GAD2: variants seen among roughly 807,000 people sequenced by gnomAD.
GAD2 encodes the protein glutamate decarboxylase 2.
Under a neutral mutation model 80.1 loss-of-function variants are expected in GAD2, and 22 were observed. That is an observed-to-expected ratio of 0.27 (90% confidence interval 0.20 to 0.39). GAD2 has a LOEUF of 0.39. Ranked by LOEUF, GAD2 falls within the 10% of genes least tolerant of loss-of-function variation. The pLI is 1.00. For synonymous variants in GAD2, 274 were observed against 256.9 expected (o/e 1.07, Z -0.64); for missense variants, 624 against 738.4 (o/e 0.85, Z 1.80).
rs1465174879 is a variant in GAD2 at position 26,302,592 on chromosome 10, C to G, written c.*1631C>G. ...TCTGAATGGACCAGGTAGTTCAGTA[C>G]TCAGACTGCAGGTATACAAGGGAAG... On this transcript the variant is annotated 3_prime_UTR_variant, in exon 16 of 16. Coordinates refer to ENST00000376261, the MANE Select transcript of GAD2 (RefSeq NM_001134366.2). 1 of 152,172 alleles carries G rather than the reference C, an allele frequency of 6.6e-6. No individual in the cohort carries two copies. Among genetic ancestry groups the G allele is most frequent in the East Asian group, 1.9e-4 (1 of 5,188 alleles). The allele number at this position is 152,172 out of a possible 1,614,324, so 9.4% of individuals were successfully genotyped here.
At chr10:26,261,964 T>A (rs914960627) in intron 8 of GAD2, among the ~76,000 whole-genome samples, 1 of 152,206 alleles carries the variant, frequency 6.6e-6, no homozygotes, top group Non-Finnish European at 1.5e-5. Context: ...CAAATCCTAC[T>A]TGATGCAATG....
chr10:26,299,108 A>T (rs1428955179), intron 15 of GAD2, among the ~76,000 whole-genome samples: 2 of 152,192 alleles, frequency 1.3e-5, no homozygotes, highest in African/African-American at 2.4e-5. Context: ...AGAGAAGGAA[A>T]TTAGGTTCAG....
intron 8 of GAD2, among the ~76,000 whole-genome samples, chr10:26,257,672 A>G (rs2132296434): frequency 6.6e-6 from 1 of 152,320 alleles, no homozygotes; most frequent in Middle Eastern, 3.4e-3. Context: ...GTACATTTAT[A>G]TACATTTTAG....
intron 10 of GAD2, 71 bp downstream of exon 10, chr10:26,270,827 T>C: frequency 9.7e-7 from 1 of 1,025,992 alleles, no homozygotes; most frequent in East Asian, 2.4e-5. Context: ...ACAAAGGAAA[T>C]TTGTTTTCTC....
At chr10:26,288,465 C>T (rs1564672174) in intron 13 of GAD2, among the ~76,000 whole-genome samples, 2 of 152,154 alleles carry the variant, frequency 1.3e-5, no homozygotes, top group Non-Finnish European at 2.9e-5. Context: ...GGTATCTGGT[C>T]CCCACCACCT....
At chr10:26,276,862 G>A (rs188421705) in intron 11 of GAD2, among the ~76,000 whole-genome samples, 46 of 152,270 alleles carry the variant, frequency 3.0e-4, no homozygotes, top group East Asian at 2.1e-3. Context: ...AGGTGTTCAG[G>A]ATTTAATTCG....
chr10:26,277,030 G>T (rs569182786), intron 11 of GAD2, among the ~76,000 whole-genome samples: 1 of 152,228 alleles, frequency 6.6e-6, no homozygotes, highest in African/African-American at 2.4e-5. Context: ...GGAAGTAAAG[G>T]CTGGAGAGAC....
Position 26,224,608 on chromosome 10 carries a change from C to T in GAD2, c.681C>T (p.Ile227=). 1 of 1,613,912 alleles carries T rather than the reference C, an allele frequency of 6.2e-7. No homozygotes were observed. Among genetic ancestry groups the T allele is most frequent in the Non-Finnish European group, 8.5e-7 (1 of 1,179,814 alleles). Residue 227 remains isoleucine (I), a synonymous_variant, in exon 6 of 16, where the codon ATC becomes ATT. Transcript: ENST00000376261. ...TCACACTAAAGAAAATGAGAGAAATCATTGGCTGGCCAGGGGGCTCTGGCG... is the reference window on the plus strand; with the variant it reads ...TCACACTAAAGAAAATGAGAGAAATTATTGGCTGGCCAGGGGGCTCTGGCG... ...EYVTLKKMRE[I]IGWPGGSGDG... is the part of the protein sequence containing the mutation.
intron 8 of GAD2, among the ~76,000 whole-genome samples, chr10:26,261,786 T>C (rs1845011672): frequency 6.6e-6 from 1 of 152,128 alleles, no homozygotes; most frequent in Non-Finnish European, 1.5e-5. Context: ...TCTTCCTCCT[T>C]CTCCTCATCC....
At chr10:26,268,167 A>T (rs1845093380) in intron 8 of GAD2, among the ~76,000 whole-genome samples, 1 of 152,144 alleles carries the variant, frequency 6.6e-6, no homozygotes, top group Admixed American at 6.5e-5. Context: ...AGCTATTTTG[A>T]CTTAAAGAAT....
chr10:26,247,171 C>T (rs1447299283), intron 8 of GAD2, among the ~76,000 whole-genome samples: 1 of 152,166 alleles, frequency 6.6e-6, no homozygotes, highest in Non-Finnish European at 1.5e-5. Context: ...TGATTATATG[C>T]TTAACAAGGG....
chr10:26,247,918 AG>A (rs994972333), intron 8 of GAD2, among the ~76,000 whole-genome samples: 9 of 81,052 alleles, frequency 1.1e-4, no homozygotes, highest in African/African-American at 2.0e-4. Context: ...AAAAAGGAAA[AG>A]AAAAAAAAAA....
chr10:26,281,178 G>C (rs964775637), intron 12 of GAD2, 91 bp downstream of exon 12: 1 of 944,188 alleles, frequency 1.1e-6, no homozygotes, highest in African/African-American at 1.6e-5. Flanking sequence ...CAAGATCACC[G>C]GGTCTTCTCT....
chr10:26,257,855 G>A lies in GAD2; in HGVS notation c.921-11264G>A, dbSNP rs185046576. On this transcript the variant is annotated intron_variant, in intron 8 of 15. Coordinates refer to ENST00000376261, the MANE Select transcript of GAD2 (RefSeq NM_001134366.2). ...TAGCTGAATTGTAACCAGTGCCTGA[G>A]GGGTCGTTAGGGATGCTAATTAACT... Among the ~76,000 whole-genome samples, 396 of 152,292 alleles carry A rather than the reference G, an allele frequency of 2.6e-3. 2 individuals carry two copies. Among genetic ancestry groups the A allele is most frequent in the African/African-American group, 8.9e-3 (369 of 41,548 alleles).
intron 15 of GAD2, among the ~76,000 whole-genome samples, chr10:26,293,193 T>TTTTTTTTC (rs869296197): frequency 5.8e-5 from 8 of 137,314 alleles, no homozygotes; most frequent in East Asian, 2.2e-4. Flanking sequence ...TTTTTTTTTT[T>TTTTTTTTC]TTGAGATGGA....
rs754102539 is a variant in GAD2 at position 26,269,138 on chromosome 10, G to A, written c.940G>A (p.Asp314Asn). 1 of 1,596,998 alleles carries A rather than the reference G, an allele frequency of 6.3e-7. No homozygotes were observed. The highest frequency in any genetic ancestry group is 8.5e-7 in the Non-Finnish European group (1 of 1,170,872). The change falls in exon 9 of 16, where the codon GAT becomes AAT. Residue 314 changes from aspartate (D) to asparagine (N), a missense_variant. By Grantham distance (23) the Asp-to-Asn change is conservative (BLOSUM62 1). Coordinates refer to ENST00000376261, the MANE Select transcript of GAD2 (RefSeq NM_001134366.2). ...CDERGKMIPSDLERRILEAKQ... is the reference protein window; with the variant it reads ...CDERGKMIPSNLERRILEAKQ... ...TTCCAGAGGGAAAATGATTCCATCT[G>A]ATCTTGAAAGAAGGATTCTTGAAGC...
At chr10:26,236,827 G>A (rs1844678195) in intron 7 of GAD2, among the ~76,000 whole-genome samples, 1 of 152,140 alleles carries the variant, frequency 6.6e-6, no homozygotes, top group Admixed American at 6.5e-5. Context: ...CTCCTGTGCT[G>A]CATTCCTACC....
At chr10:26,256,972 T>G (rs1368322115) in intron 8 of GAD2, among the ~76,000 whole-genome samples, 1 of 152,214 alleles carries the variant, frequency 6.6e-6, no homozygotes, top group Non-Finnish European at 1.5e-5. Flanking sequence ...CGTCATTCCT[T>G]CTGTATTTAT....
intron 8 of GAD2, among the ~76,000 whole-genome samples, chr10:26,265,022 C>A (rs1845053731): frequency 6.6e-6 from 1 of 152,108 alleles, no homozygotes; most frequent in Non-Finnish European, 1.5e-5. Flanking sequence ...ATAATCAGTT[C>A]TTCCCTTTGG....
Sources: allele counts gnomAD v4.1 joint callset (sites outside exome capture counted in the v4.1 genomes callset), GRCh38; gene constraint gnomAD v4.1.1; transcripts MANE v1.5; gene names NCBI Gene and HGNC (gene_info 2026-07-23, HGNC 2026-07-21).